GDPD1: variants seen among roughly 807,000 people sequenced by gnomAD.
GDPD1 encodes glycerophosphodiester phosphodiesterase domain containing 1, also known as lysophospholipase D GDPD1.
Under a neutral mutation model 45.1 loss-of-function variants are expected in GDPD1, and 28 were observed. The ratio of observed to expected loss-of-function variants is 0.62; its 90% CI spans 0.46 to 0.85. The LOEUF (loss-of-function observed/expected upper bound fraction) is 0.85, where lower values mean the gene tolerates loss of function less well. GDPD1 is among the 40% of genes least tolerant of loss of function. GDPD1 has a pLI of 0.00. For synonymous variants in GDPD1, 139 were observed against 131.4 expected (o/e 1.06, Z -0.40); for missense variants, 256 against 364.8 (o/e 0.70, Z 2.43).
chr17:59,254,881 C>T (rs2047284454), intron 4 of GDPD1, among the ~76,000 whole-genome samples: 1 of 152,094 alleles, frequency 6.6e-6, no homozygotes, highest in Admixed American at 6.6e-5. Flanking sequence ...CAAAGGATTT[C>T]AAGAGGCTTC....
intron 2 of GDPD1, among the ~76,000 whole-genome samples, chr17:59,243,640 T>G (rs188455356): frequency 6.6e-6 from 1 of 152,246 alleles, no homozygotes; most frequent in East Asian, 1.9e-4. Flanking sequence ...CCACCAGGGA[T>G]CCTTGGCTGT....
chr17:59,246,709 CA>C (rs749077536), intron 3 of GDPD1, among the ~76,000 whole-genome samples: 315 of 27,514 alleles, frequency 0.011, no homozygotes, highest in Middle Eastern at 0.028. Context: ...GACTCCATCT[CA>C]AAAAAAAAAA....
At chr17:59,261,674 T>G (rs1310053760) in intron 6 of GDPD1, among the ~76,000 whole-genome samples, 3 of 151,640 alleles carry the variant, frequency 2.0e-5, no homozygotes, top group African/African-American at 7.3e-5. Context: ...TTTTTGATTT[T>G]TTTTTGCAGA....
chr17:59,231,983 G>T (rs541760892), intron 1 of GDPD1, among the ~76,000 whole-genome samples: 3 of 152,230 alleles, frequency 2.0e-5, no homozygotes, highest in African/African-American at 7.2e-5. Flanking sequence ...TGTTGCCAAT[G>T]CTTGGAAATC....
intron 2 of GDPD1, 57 bp from the exon 3 acceptor site, chr17:59,245,357 C>G (rs1401323813): frequency 7.0e-7 from 1 of 1,426,996 alleles, no homozygotes; most frequent in East Asian, 2.3e-5. Context: ...AGATCTCATG[C>G]ATGTAACCCA....
intron 6 of GDPD1, among the ~76,000 whole-genome samples, chr17:59,262,329 T>G: frequency 6.6e-6 from 1 of 152,130 alleles, no homozygotes; most frequent in East Asian, 1.9e-4. Flanking sequence ...AGCAAAATCC[T>G]GAAAATAACC....
chr17:59,241,099 T>C (rs1298624294), intron 2 of GDPD1, among the ~76,000 whole-genome samples: 3 of 152,248 alleles, frequency 2.0e-5, no homozygotes, highest in Non-Finnish European at 4.4e-5. Context: ...CTCTATAACA[T>C]AGATGTTTAA....
chr17:59,261,968 AGTGCAGT>A (rs2047359929), intron 6 of GDPD1, among the ~76,000 whole-genome samples: 1 of 112,442 alleles, frequency 8.9e-6, no homozygotes, highest in Non-Finnish European at 1.6e-5. Context: ...CCCAGGCTGG[AGTGCAGT>A]GGCGGGATCT....
In GDPD1 at chr17:59,220,765, C is replaced by G; in HGVS notation, c.142+14C>G. On this transcript the variant is annotated intron_variant, in intron 1 of 9. Coordinates refer to ENST00000284116, the MANE Select transcript of GDPD1 (RefSeq NM_182569.4). ...CTCACCGCGGAGGTGAGAGGGGTCCCCAGAACCCGATGACGGAGGTGGGGG... is the reference window on the plus strand; with the variant it reads ...CTCACCGCGGAGGTGAGAGGGGTCCGCAGAACCCGATGACGGAGGTGGGGG... 6.2e-7 allele frequency: 1 copy of G among 1,609,486 alleles called. No homozygotes were observed. The highest frequency in any genetic ancestry group is 8.5e-7 in the Non-Finnish European group (1 of 1,178,538).
rs1336011708 is a variant in GDPD1 at position 59,274,841 on chromosome 17, AGAT to A, written c.*1069_*1071del. Among the ~76,000 whole-genome samples, 9 of 148,412 alleles carry A rather than the reference AGAT, an allele frequency of 6.1e-5. No homozygotes were observed. Among genetic ancestry groups the A allele is most frequent in the African/African-American group, 2.3e-4 (9 of 38,754 alleles). On this transcript the variant is annotated 3_prime_UTR_variant, in exon 10 of 10. Transcript: ENST00000284116. ...CACTGGAATACAATCAATTAGTAAA[AGAT>A]TTTTTTTTTTTTTTTGACATGTAGT... is the stretch of plus-strand genomic sequence containing the variant.
At chr17:59,227,464 G>C (rs1310955256) in intron 1 of GDPD1, among the ~76,000 whole-genome samples, 2 of 151,910 alleles carry the variant, frequency 1.3e-5, no homozygotes, top group East Asian at 3.9e-4. Context: ...CATAAAGTTA[G>C]TTAACTCTTT....
chr17:59,254,864 C>T (rs767775228), intron 4 of GDPD1, among the ~76,000 whole-genome samples: 2 of 152,028 alleles, frequency 1.3e-5, no homozygotes, highest in Non-Finnish European at 2.9e-5. Flanking sequence ...GTACATGATC[C>T]GTTCAGCAAA....
At chr17:59,246,315 T>A (rs2047210643) in intron 3 of GDPD1, among the ~76,000 whole-genome samples, 1 of 151,742 alleles carries the variant, frequency 6.6e-6, no homozygotes, top group Non-Finnish European at 1.5e-5. Flanking sequence ...TTTTAGACAC[T>A]TTAAAATTAT....
rs1018996536 is a variant in GDPD1 at position 59,220,719 on chromosome 17, G to C, written c.110G>C (p.Arg37Pro). Residue 37 changes from arginine to proline, a missense_variant, in exon 1 of 10, where the codon CGA (arginine) becomes CCA (proline). By Grantham distance (103) the Arg-to-Pro change is moderately radical. Coordinates refer to ENST00000284116, the MANE Select transcript of GDPD1 (RefSeq NM_182569.4). ...PTLLHQRKKQRFLSKHISHRG... is the reference protein window; with the variant it reads ...PTLLHQRKKQPFLSKHISHRG... ...TTGCTGCACCAGAGAAAGAAGCAGCGATTCCTCAGTAAACACATCTCTCAC... is the reference window on the plus strand; with the variant it reads ...TTGCTGCACCAGAGAAAGAAGCAGCCATTCCTCAGTAAACACATCTCTCAC... 8 of 1,613,998 alleles carry C rather than the reference G, an allele frequency of 5.0e-6. No homozygotes were observed. Among genetic ancestry groups the C allele is most frequent in the African/African-American group, 1.3e-5 (1 of 75,048 alleles).
intron 2 of GDPD1, among the ~76,000 whole-genome samples, chr17:59,241,041 T>C (rs1256105617): frequency 6.6e-6 from 1 of 152,190 alleles, no homozygotes; most frequent in Non-Finnish European, 1.5e-5. Context: ...TAGTATTTAG[T>C]ACAGTAATGT....
chr17:59,241,186 T>C (rs1304390639), intron 2 of GDPD1, among the ~76,000 whole-genome samples: 3 of 152,238 alleles, frequency 2.0e-5, no homozygotes, highest in Admixed American at 1.3e-4. Context: ...TCTCAGAACA[T>C]ACGCCCATTG....
chr17:59,230,945 G>T (rs1275763372), intron 1 of GDPD1, among the ~76,000 whole-genome samples: 1 of 152,196 alleles, frequency 6.6e-6, no homozygotes, highest in African/African-American at 2.4e-5. Context: ...AGGATATGCT[G>T]ATGTAGCAGG....
rs781053437 is a variant in GDPD1 at position 59,220,690 on chromosome 17, G to C, written c.81G>C (p.Pro27=). 8 of 1,614,010 alleles carry C rather than the reference G, an allele frequency of 5.0e-6. No individual in the cohort carries two copies. Among genetic ancestry groups the C allele is most frequent in the Non-Finnish European group, 6.8e-6 (8 of 1,180,010 alleles). ...LVTSFLLLKY[P]TLLHQRKKQR... ...CCTCATTCTTGTTGCTTAAATACCCGACCTTGCTGCACCAGAGAAAGAAGC... is the reference window on the plus strand; with the variant it reads ...CCTCATTCTTGTTGCTTAAATACCCCACCTTGCTGCACCAGAGAAAGAAGC... The change falls in exon 1 of 10, where the codon CCG becomes CCC. Residue 27 remains proline, a synonymous_variant. Coordinates refer to ENST00000284116, the MANE Select transcript of GDPD1 (RefSeq NM_182569.4).
rs543183723 is a variant in GDPD1 at position 59,237,646 on chromosome 17, G to T, written c.185+3112G>T. ...AAAGCATATAAATTTCAAAATGGAG[G>T]TGAAGATGAGGAGATATTAATGACA... On this transcript the variant is annotated intron_variant, in intron 2 of 9. Transcript: ENST00000284116. 1.2e-4 allele frequency among the ~76,000 whole-genome samples: 18 copies of T among 152,198 alleles called. No individual in the cohort carries two copies. The South Asian group carries it at 1.2e-3, about 11-fold the overall frequency.
Sources: allele counts gnomAD v4.1 joint callset (sites outside exome capture counted in the v4.1 genomes callset), GRCh38; gene constraint gnomAD v4.1.1; transcripts MANE v1.5; gene names NCBI Gene and HGNC (gene_info 2026-07-23, HGNC 2026-07-21).